Variants in RPTOR observed in about 807,000 individuals in gnomAD.
RPTOR encodes the protein regulatory associated protein of MTOR complex 1.
Under a neutral mutation model 169.9 loss-of-function variants are expected in RPTOR, and 21 were observed. The ratio of observed to expected loss-of-function variants is 0.12; its 90% confidence interval spans 0.09 to 0.18. The LOEUF is 0.18. Among genes scored for constraint, RPTOR ranks in the 10% least tolerant of loss-of-function variants. RPTOR has a pLI of 1.00. For missense variants in RPTOR, 1,133 were observed against 1,855.9 expected (o/e 0.61, Z 7.16); for synonymous variants, 732 against 753.2 (o/e 0.97, Z 0.46).
chr17:80,550,035 C>A (rs1464488977), intron 1 of RPTOR, among the ~76,000 whole-genome samples: 1 of 152,230 alleles, frequency 6.6e-6, no homozygotes, highest in Non-Finnish European at 1.5e-5. Flanking sequence ...CAGAGTAGAT[C>A]TGTTCAACTA....
At chr17:80,587,941 C>G (rs1372181558) in intron 1 of RPTOR, among the ~76,000 whole-genome samples, 1 of 152,160 alleles carries the variant, frequency 6.6e-6, no homozygotes, top group Non-Finnish European at 1.5e-5. Flanking sequence ...CTTCCACCCA[C>G]TAACCTCTGG....
intron 6 of RPTOR, among the ~76,000 whole-genome samples, chr17:80,779,944 C>T (rs1039825455): frequency 6.6e-6 from 1 of 152,132 alleles, no homozygotes; most frequent in African/African-American, 2.4e-5. Flanking sequence ...TGGCTTAAGG[C>T]TCTGCAGGAG....
At chr17:80,816,585 G>A (rs2067325659) in intron 7 of RPTOR, among the ~76,000 whole-genome samples, 2 of 152,214 alleles carry the variant, frequency 1.3e-5, no homozygotes, top group African/African-American at 2.4e-5. Flanking sequence ...AGCTGGCGAC[G>A]CAGTGCTCCC....
chr17:80,855,647 C>T (rs1598355594), intron 12 of RPTOR, 100 bp downstream of exon 12: 1 of 942,474 alleles, frequency 1.1e-6, no homozygotes, highest in Non-Finnish European at 1.7e-6. Flanking sequence ...CAGAGCCACC[C>T]CCAGCCGTGA....
intron 7 of RPTOR, among the ~76,000 whole-genome samples, chr17:80,819,683 C>T (rs1023752853): frequency 6.6e-6 from 1 of 152,212 alleles, no homozygotes; most frequent in Non-Finnish European, 1.5e-5. Flanking sequence ...CACGCTCGTA[C>T]AGGATAGAAG....
intron 21 of RPTOR, among the ~76,000 whole-genome samples, chr17:80,915,805 G>A (rs962973964): frequency 6.8e-6 from 1 of 147,192 alleles, no homozygotes; most frequent in Non-Finnish European, 1.5e-5. Flanking sequence ...CTGAGCAGAC[G>A]TCGGGAAAAC....
At chr17:80,623,527 G>A (rs1184571139) in intron 1 of RPTOR, among the ~76,000 whole-genome samples, 2 of 151,758 alleles carry the variant, frequency 1.3e-5, no homozygotes, top group Non-Finnish European at 2.9e-5. Context: ...AATATTTATC[G>A]TTTTCTTTTT....
chr17:80,624,205 G>T (rs1365911305), intron 1 of RPTOR, among the ~76,000 whole-genome samples: 1 of 152,172 alleles, frequency 6.6e-6, no homozygotes, highest in African/African-American at 2.4e-5. Context: ...AAAGGCACAG[G>T]ACTTACTCGT....
At chr17:80,830,512 A>G (rs1486635529) in intron 9 of RPTOR, among the ~76,000 whole-genome samples, 2 of 152,168 alleles carry the variant, frequency 1.3e-5, no homozygotes, top group African/African-American at 4.8e-5. Context: ...TGCCAAAGCC[A>G]CTCACGCACG....
chr17:80,830,538 C>T (rs984117561), intron 9 of RPTOR, among the ~76,000 whole-genome samples: 18 of 152,206 alleles, frequency 1.2e-4, no homozygotes, highest in Admixed American at 9.8e-4. Flanking sequence ...CTCACGGCGT[C>T]GGGCTGCTGC....
At position 80,708,081 on chromosome 17, in the gene RPTOR, G is replaced by A. The variant is rs771549580; in HGVS notation, c.507+82G>A. The stretch of plus-strand genomic sequence containing the variant: ...TGGTCGGAGCAGGTCCTGCCCATCC[G>A]TAGCTTCTGTTAAGCCATTGATGTT... On this transcript the variant is annotated intron_variant, in intron 4 of 33. Coordinates refer to ENST00000306801, the MANE Select transcript of RPTOR (RefSeq NM_020761.3). This position sits in a 1 kb window ranked among gnomAD's most constrained non-coding sequence, Gnocchi z 4.2. 2.2e-5 allele frequency: 30 copies of A among 1,358,190 alleles called. No homozygotes were observed. The highest frequency in any genetic ancestry group is 5.8e-5 in the African/African-American group (4 of 69,020). 84.1% of individuals were successfully genotyped at this position (1,358,190 alleles called of 1,614,324 possible). A position where few individuals can be genotyped will look rare whatever the true frequency, so the allele number is the denominator to read the frequency against.
At chr17:80,559,042 G>T (rs998207238) in intron 1 of RPTOR, among the ~76,000 whole-genome samples, 45 of 152,096 alleles carry the variant, frequency 3.0e-4, no homozygotes. Flanking sequence ...GCCATCTCCA[G>T]CAGCTTTCCA....
chr17:80,875,498 G>A (rs2068096870), intron 13 of RPTOR, among the ~76,000 whole-genome samples: 2 of 152,188 alleles, frequency 1.3e-5, no homozygotes, highest in South Asian at 4.1e-4. Flanking sequence ...AAAATGTCAT[G>A]TTCATGCTCT....
rs144375734 is a variant in RPTOR at position 80,622,202 on chromosome 17, G to A, written c.163-3489G>A. On this transcript the variant is annotated intron_variant, in intron 1 of 33. Transcript: ENST00000306801. ...CTTTAGGAAGCAACTTGGAACTTGC[G>A]CCAGGGTTTGAATCAATCCCTCTCC... 2.6e-4 allele frequency among the ~76,000 whole-genome samples: 40 copies of A among 152,290 alleles called. 1 individual carries two copies. The East Asian group carries it at 6.6e-3, about 25-fold the overall frequency.
At chr17:80,604,052 C>G (rs2065210700) in intron 1 of RPTOR, among the ~76,000 whole-genome samples, 1 of 152,232 alleles carries the variant, frequency 6.6e-6, no homozygotes, top group African/African-American at 2.4e-5. Flanking sequence ...TCTTAACCCT[C>G]TTCTGCACAG....
chr17:80,559,672 A>C (rs1244632875), intron 1 of RPTOR, among the ~76,000 whole-genome samples: 1 of 151,916 alleles, frequency 6.6e-6, no homozygotes, highest in African/African-American at 2.4e-5. Flanking sequence ...GTGTAGAGAG[A>C]GCTCCAGTCC....
chr17:80,840,855 C>T (rs1219990259), intron 10 of RPTOR, among the ~76,000 whole-genome samples: 1 of 140,190 alleles, frequency 7.1e-6, no homozygotes, highest in East Asian at 2.2e-4. Context: ...AGCTCACACT[C>T]ACCACACGGC....
chr17:80,617,699 C>T (rs543896918), intron 1 of RPTOR, among the ~76,000 whole-genome samples: 4 of 152,220 alleles, frequency 2.6e-5, no homozygotes, highest in East Asian at 1.9e-4. Context: ...TAAGGTGTTT[C>T]GGGTAGAGGC....
At position 80,862,982 on chromosome 17, in the gene RPTOR, C is replaced by T. The variant is rs75824043; in HGVS notation, c.1509+5082C>T. Among the ~76,000 whole-genome samples, 145 of 152,336 alleles carry T rather than the reference C, an allele frequency of 9.5e-4. 1 individual carries two copies. The East Asian group carries it at 0.012, about 13-fold the overall frequency. On this transcript the variant is annotated intron_variant, in intron 13 of 33. Transcript: ENST00000306801. ...CGGAGCCCACTCAGGCTGGGCCCAG[C>T]GGAAGGGCGAGCCTGGGACCTCCCC...
Sources: allele counts gnomAD v4.1 joint callset (sites outside exome capture counted in the v4.1 genomes callset), GRCh38; gene constraint gnomAD v4.1.1; non-coding constraint Gnocchi (gnomAD v3.1); transcripts MANE v1.5; gene names NCBI Gene and HGNC (gene_info 2026-07-23, HGNC 2026-07-21).